NRCAM: variants seen among roughly 807,000 people sequenced by gnomAD.
NRCAM encodes the protein neuronal cell adhesion molecule.
Under a neutral mutation model 156.5 loss-of-function variants are expected in NRCAM, and 83 were observed. That is an observed-to-expected ratio of 0.53 (90% CI 0.44 to 0.64). NRCAM has a LOEUF of 0.64. Ranked by LOEUF, NRCAM falls within the 30% of genes least tolerant of loss-of-function variation. NRCAM has a pLI of 0.00. For synonymous variants in NRCAM, 538 were observed against 563.9 expected (o/e 0.95, Z 0.65); for missense variants, 1,417 against 1,597.3 (o/e 0.89, Z 1.92).
intron 1 of NRCAM, among the ~76,000 whole-genome samples, chr7:108,433,285 G>A (rs1250208564): frequency 2.0e-5 from 3 of 152,110 alleles, no homozygotes; most frequent in Admixed American, 6.6e-5. Context: ...GCCTGTGGGT[G>A]TACACACTTG....
intron 2 of NRCAM, among the ~76,000 whole-genome samples, chr7:108,393,791 C>T (rs2099769117): frequency 6.6e-6 from 1 of 152,164 alleles, no homozygotes; most frequent in Admixed American, 6.5e-5. Flanking sequence ...ATTGTGATTC[C>T]AGAGCCAGTA....
At chr7:108,385,822 A>T (rs1298731207) in intron 2 of NRCAM, among the ~76,000 whole-genome samples, 1 of 151,212 alleles carries the variant, frequency 6.6e-6, no homozygotes, top group Non-Finnish European at 1.5e-5. Flanking sequence ...ATAAGTAAGT[A>T]TATCTTTACA....
At chr7:108,167,261 C>G (rs1304016931) in intron 29 of NRCAM, among the ~76,000 whole-genome samples, 188 bp from the exon 30 acceptor site, 3 of 152,122 alleles carry the variant, frequency 2.0e-5, no homozygotes, top group Non-Finnish European at 4.4e-5. Flanking sequence ...AGGAAAATAT[C>G]CTCAAAGAAA....
At chr7:108,394,164 G>A (rs2099770323) in intron 2 of NRCAM, among the ~76,000 whole-genome samples, 1 of 152,212 alleles carries the variant, frequency 6.6e-6, no homozygotes, top group Admixed American at 6.5e-5. Flanking sequence ...GGGTGAGGCA[G>A]CTCTGATTAG....
rs555032001 is a variant in NRCAM at position 108,417,496 on chromosome 7, T to G, written c.-331-17903A>C. Reference sequence around the variant, plus strand: ...CTAATCATCTCTCAACAGTCCCACCTCTTCATACTGTTACAAAGGCAATTA... The same window carrying G: ...CTAATCATCTCTCAACAGTCCCACCGCTTCATACTGTTACAAAGGCAATTA... On this transcript the variant is annotated intron_variant, in intron 1 of 32. Transcript: ENST00000379028. Among the ~76,000 whole-genome samples the G allele has an allele frequency of 2.6e-5, 4 of 152,282 alleles. No individual in the cohort carries two copies. In the South Asian group the frequency reaches 8.3e-4, roughly 32 times the overall value.
chr7:108,168,829 T>C (rs866035089), intron 28 of NRCAM, among the ~76,000 whole-genome samples: 30 of 152,168 alleles, frequency 2.0e-4, no homozygotes, highest in African/African-American at 6.8e-4. Context: ...TCAAACCTAT[T>C]TGTCATCTCA....
intron 3 of NRCAM, among the ~76,000 whole-genome samples, chr7:108,276,243 T>C (rs1016397092): frequency 6.6e-6 from 1 of 152,230 alleles, no homozygotes; most frequent in Admixed American, 6.5e-5. Context: ...TAGATGTCTA[T>C]TAGGTCTGGT....
intron 3 of NRCAM, among the ~76,000 whole-genome samples, chr7:108,252,809 C>G (rs1345910560): frequency 6.6e-6 from 1 of 152,220 alleles, no homozygotes; most frequent in East Asian, 1.9e-4. Context: ...GAACTGAGAG[C>G]AAGGGTATGG....
At chr7:108,212,535 G>C (rs924739202) in intron 11 of NRCAM, among the ~76,000 whole-genome samples, 1 of 152,092 alleles carries the variant, frequency 6.6e-6, no homozygotes, top group African/African-American at 2.4e-5. Context: ...CTAGGAAATA[G>C]ACACTATAAA....
chr7:108,289,846 TA>T (rs777918192), intron 3 of NRCAM, among the ~76,000 whole-genome samples: 1 of 152,146 alleles, frequency 6.6e-6, no homozygotes, highest in South Asian at 2.1e-4. Context: ...GCCCACTGAA[TA>T]GAAACTTTGG....
chr7:108,387,188 T>C (rs1015202453), intron 2 of NRCAM, among the ~76,000 whole-genome samples: 1 of 152,156 alleles, frequency 6.6e-6, no homozygotes, highest in African/African-American at 2.4e-5. Context: ...CTCAGAGAAG[T>C]TGCTCCTCAT....
intron 1 of NRCAM, among the ~76,000 whole-genome samples, chr7:108,436,478 T>C (rs899869088): frequency 6.6e-6 from 1 of 152,226 alleles, no homozygotes; most frequent in Non-Finnish European, 1.5e-5. Context: ...TAAAGTGATA[T>C]GCCTTCAGGA....
chr7:108,198,868 T>C (rs546005995), intron 13 of NRCAM, among the ~76,000 whole-genome samples: 88 of 152,324 alleles, frequency 5.8e-4, no homozygotes, highest in African/African-American at 2.1e-3. Context: ...AGGAACAGGC[T>C]TGATCCTTAC....
At chr7:108,284,600 C>A (rs2098006011) in intron 3 of NRCAM, among the ~76,000 whole-genome samples, 1 of 152,186 alleles carries the variant, frequency 6.6e-6, no homozygotes, top group South Asian at 2.1e-4. Flanking sequence ...ACACCCCTCC[C>A]CTTCTCATTC....
At chr7:108,175,196 G>T in intron 28 of NRCAM, 126 bp downstream of exon 28, 1 of 659,482 alleles carries the variant, frequency 1.5e-6, no homozygotes, top group Non-Finnish European at 2.4e-6. Flanking sequence ...GCCAAGATTG[G>T]ATGAGATCTT....
At position 108,398,426 on chromosome 7, in the gene NRCAM, C is replaced by T. The variant is rs532508780; in HGVS notation, c.-174+1010G>A. On this transcript the variant is annotated intron_variant, in intron 2 of 32. Transcript: ENST00000379028. The stretch of plus-strand genomic sequence containing the variant: ...TAATTACAAAATGCATCTTTCCCTC[C>T]TTCAATATTGCTCTAGTTCATTCTC... Among the ~76,000 whole-genome samples, 81 of 152,284 alleles carry T rather than the reference C, an allele frequency of 5.3e-4. 1 individual carries two copies. The South Asian group carries it at 0.016, about 30-fold the overall frequency.
At chr7:108,408,374 T>C (rs970455166) in intron 1 of NRCAM, among the ~76,000 whole-genome samples, 3 of 152,218 alleles carry the variant, frequency 2.0e-5, no homozygotes, top group African/African-American at 4.8e-5. Flanking sequence ...AATGAACCTG[T>C]TGTGGCCCTA....
In NRCAM at chr7:108,236,428, C is replaced by T. The variant is rs140746402; in HGVS notation, c.124+1324G>A. Among the ~76,000 whole-genome samples the T allele has an allele frequency of 2.2e-3, 337 of 152,188 alleles. 2 individuals are homozygous for T. Among genetic ancestry groups the T allele is most frequent in the Non-Finnish European group, 2.3e-3 (156 of 67,986 alleles). Reference sequence around the variant, plus strand: ...CCTTGTCTTTCCAGCTGCCCTTCCCCCCTCCGTCATCCATATGGAATCCTC... The same window carrying T: ...CCTTGTCTTTCCAGCTGCCCTTCCCTCCTCCGTCATCCATATGGAATCCTC... On this transcript the variant is annotated intron_variant, in intron 5 of 32. Coordinates refer to ENST00000379028, the MANE Select transcript of NRCAM (RefSeq NM_001037132.4).
chr7:108,281,675 T>C (rs1356191887), intron 3 of NRCAM, among the ~76,000 whole-genome samples: 1 of 151,894 alleles, frequency 6.6e-6, no homozygotes, highest in East Asian at 1.9e-4. Flanking sequence ...AGGTGGGGTG[T>C]GGGGAATGGA....
Sources: gnomAD v4.1 joint callset for allele counts (sites outside exome capture counted in the v4.1 genomes callset) on GRCh38, gnomAD v4.1.1 for gene constraint, MANE v1.5 for transcripts, NCBI Gene and HGNC (gene_info 2026-07-23, HGNC 2026-07-21) for gene names.